The following MAP3K21 variants were observed in gnomAD, a reference collection of about 807,000 sequenced individuals.
The protein encoded by MAP3K21 is mitogen-activated protein kinase kinase kinase 21.
A neutral mutation model predicts 86.1 loss-of-function variants in MAP3K21; 63 were observed. The observed-to-expected ratio is 0.73, with a 90% CI of 0.60 to 0.90. The LOEUF (loss-of-function observed/expected upper bound fraction) is 0.90, where lower values mean the gene tolerates loss of function less well. Among genes scored for constraint, MAP3K21 ranks in the 40% least tolerant of loss-of-function variants. The probability of loss-of-function intolerance (pLI) is 0.00; values close to 1 mark genes in which losing one functional copy is unlikely to be tolerated. For synonymous variants in MAP3K21, 558 were observed against 564.8 expected (o/e 0.99, Z 0.17); for missense variants, 1,220 against 1,367.7 (o/e 0.89, Z 1.70).
rs1294270 is a variant in MAP3K21, at chr1:233,339,398, T to C, written c.806-7044T>C. Among the ~76,000 whole-genome samples the C allele has an allele frequency of 2.2e-3, 227 of 102,644 alleles. 7 individuals carry two copies. The highest frequency in any genetic ancestry group is 4.1e-3 in the African/African-American group (115 of 28,014). 67.3% of individuals were successfully genotyped at this position (102,644 alleles called of 152,430 possible). A position where few individuals can be genotyped will look rare whatever the true frequency, so the allele number is the denominator to read the frequency against. On this transcript the variant is annotated intron_variant, in intron 1 of 9. Transcript: ENST00000366624. ...TCCTTCTTCTCCTTCTTCTCCTCCT[T>C]CTCCTCCTCCTCCTCCTCCTTCTCC...
chr1:233,328,079 C>CG lies in MAP3K21; in HGVS notation c.56dup (p.Ala20SerfsTer29). 2 of 1,355,108 alleles carry CG rather than the reference C, an allele frequency of 1.5e-6. No individual in the cohort carries two copies. The highest frequency in any genetic ancestry group is 9.4e-7 in the Non-Finnish European group (1 of 1,061,110). The allele number at this position is 1,355,108 out of a possible 1,614,324, so 83.9% of individuals were successfully genotyped here. ...CGACCGACACCCCGGTGTCCTCGGC[C>CG]GGGGGAGCCCCCGGCGGCTCAGCGT... is the stretch of plus-strand genomic sequence containing the variant. On this transcript the variant is annotated frameshift_variant, in exon 1 of 10. Transcript: ENST00000366624. LOFTEE classifies it high-confidence loss of function. The surrounding 1 kb of genome is among the most constrained non-coding windows in gnomAD (Gnocchi z 8.7).
rs1409771368 is a variant in MAP3K21, at chr1:233,327,991, C to T, written c.-38C>T. 1.3e-5 allele frequency: 16 copies of T among 1,247,064 alleles called. No homozygotes were observed. Among genetic ancestry groups the T allele is most frequent in the Non-Finnish European group, 1.6e-5 (16 of 997,302 alleles). The allele number at this position is 1,247,064 out of a possible 1,614,324, so 77.2% of individuals were successfully genotyped here. Reference sequence around the variant, plus strand: ...CCCGCGGCCGCCCGGGAGGCTGAGCCCAGCTTCCCGCTCCGCCTTCCCCGC... The same window carrying T: ...CCCGCGGCCGCCCGGGAGGCTGAGCTCAGCTTCCCGCTCCGCCTTCCCCGC... On this transcript the variant is annotated 5_prime_UTR_variant, in exon 1 of 10. Transcript: ENST00000366624.
In MAP3K21 at chr1:233,327,927, T is replaced by C. The variant is rs1221472888; in HGVS notation, c.-102T>C. 1.3e-5 allele frequency: 12 copies of C among 958,982 alleles called. No individual in the cohort carries two copies. Among genetic ancestry groups the C allele is most frequent in the Non-Finnish European group, 1.6e-5 (12 of 744,102 alleles). 59.4% of individuals were successfully genotyped at this position (958,982 alleles called of 1,614,324 possible). A position where few individuals can be genotyped will look rare whatever the true frequency, so the allele number is the denominator to read the frequency against. Reference sequence around the variant, plus strand: ...GATCGCGATTCCTACCCCCTCGCCTTCCCCCGGCGCCGACGGCCACACCGC... The same window carrying C: ...GATCGCGATTCCTACCCCCTCGCCTCCCCCCGGCGCCGACGGCCACACCGC... On this transcript the variant is annotated 5_prime_UTR_variant, in exon 1 of 10. Coordinates refer to ENST00000366624, the MANE Select transcript of MAP3K21 (RefSeq NM_032435.3).
intron 8 of MAP3K21, among the ~76,000 whole-genome samples, chr1:233,378,173 T>A (rs1470925633): frequency 1.3e-5 from 2 of 152,136 alleles, no homozygotes; most frequent in African/African-American, 4.8e-5. Flanking sequence ...TTGGAAAAAA[T>A]TAGAGATGTT....
At chr1:233,342,123 A>T (rs1239608952) in intron 1 of MAP3K21, among the ~76,000 whole-genome samples, 3 of 152,220 alleles carry the variant, frequency 2.0e-5, no homozygotes, top group Admixed American at 2.0e-4. Context: ...TTCATAGGGA[A>T]TAAGGACTGA....
intron 2 of MAP3K21, among the ~76,000 whole-genome samples, chr1:233,353,496 G>A (rs534778899): frequency 1.3e-5 from 2 of 152,306 alleles, no homozygotes; most frequent in Admixed American, 6.5e-5. Flanking sequence ...TACTCCTAAA[G>A]TGTGACCTGG....
intron 5 of MAP3K21, among the ~76,000 whole-genome samples, chr1:233,367,213 A>G (rs1055431510): frequency 1.3e-5 from 2 of 152,246 alleles, no homozygotes; most frequent in East Asian, 1.9e-4. Flanking sequence ...CATCTACCTC[A>G]CAGGTATGCG....
chr1:233,328,667 C>A lies in MAP3K21; in HGVS notation c.639C>A (p.Ala213=), dbSNP rs1368293807. ...GCGGAGCGCTCAACCGAGCGCTGGC[C>A]GCTGCCAACGCCGCCCCGGACCCGC... The part of the protein sequence containing the change: ...ARGGALNRAL[A]AANAAPDPRA... Residue 213 remains alanine (A), a synonymous_variant, in exon 1 of 10, where the codon GCC becomes GCA. Transcript: ENST00000366624. This position sits in a 1 kb window ranked among gnomAD's most constrained non-coding sequence, Gnocchi z 8.7. The A allele has an allele frequency of 3.8e-6, 5 of 1,330,650 alleles. No homozygotes were observed. The highest frequency in any genetic ancestry group is 4.8e-6 in the Non-Finnish European group (5 of 1,043,300). The allele number at this position is 1,330,650 out of a possible 1,614,324, so 82.4% of individuals were successfully genotyped here.
intron 4 of MAP3K21, among the ~76,000 whole-genome samples, chr1:233,357,954 G>A (rs3737841): frequency 0.25 from 37,485 of 151,994 alleles, 5,840 homozygotes; most frequent in East Asian, 0.41. Flanking sequence ...GACTGAATGG[G>A]AAGTCTTTAT....
intron 5 of MAP3K21, 150 bp downstream of exon 5, chr1:233,362,443 T>C (rs891298356): frequency 1.2e-6 from 1 of 839,314 alleles, no homozygotes; most frequent in Non-Finnish European, 1.8e-6. Context: ...CTTAGATTCA[T>C]GGTTCTAATG....
chr1:233,379,703 G>C lies in MAP3K21; in HGVS notation c.2697G>C (p.Pro899=). 1 of 1,608,616 alleles carries C rather than the reference G, an allele frequency of 6.2e-7. No homozygotes were observed. Among genetic ancestry groups the C allele is most frequent in the Non-Finnish European group, 8.5e-7 (1 of 1,178,016 alleles). The change falls in exon 9 of 10, where the codon CCG becomes CCC. Residue 899 remains proline (P), a synonymous_variant. Coordinates refer to ENST00000366624, the MANE Select transcript of MAP3K21 (RefSeq NM_032435.3). Reference sequence around the variant, plus strand: ...GACGGACCATGTCTGATGGAAATCCGACCCCAAGTAGGTTGCATTAATTAG... The same window carrying C: ...GACGGACCATGTCTGATGGAAATCCCACCCCAAGTAGGTTGCATTAATTAG... The part of the protein sequence containing the change: ...HHRRTMSDGN[P]TPTGATIISA...
chr1:233,358,002 C>T (rs905053502), intron 4 of MAP3K21, among the ~76,000 whole-genome samples: 1 of 151,788 alleles, frequency 6.6e-6, no homozygotes, highest in Non-Finnish European at 1.5e-5. Context: ...CCTCACCCCC[C>T]ACCAGGAACT....
At chr1:233,330,982 A>G (rs1662800539) in intron 1 of MAP3K21, among the ~76,000 whole-genome samples, 2 of 152,286 alleles carry the variant, frequency 1.3e-5, no homozygotes, top group South Asian at 4.1e-4. Context: ...TAAAATATAA[A>G]TGTTTAAAGA....
At position 233,328,656 on chromosome 1, in the gene MAP3K21, C is replaced by A; in HGVS notation, c.628C>A (p.Arg210=). ...GTTCGCCCGCGGCGGAGCGCTCAAC[C>A]GAGCGCTGGCCGCTGCCAACGCCGC... ...LEFARGGALN[R]ALAAANAAPD... is the part of the protein sequence containing the mutation. Residue 210 remains arginine, a synonymous_variant, in exon 1 of 10, where the codon CGA becomes AGA. Transcript: ENST00000366624. The surrounding 1 kb of genome is among the most constrained non-coding windows in gnomAD (Gnocchi z 8.7). The A allele has an allele frequency of 4.4e-6, 6 of 1,365,526 alleles. No individual in the cohort carries two copies. The highest frequency in any genetic ancestry group is 5.7e-6 in the Non-Finnish European group (6 of 1,060,678). 84.6% of individuals were successfully genotyped at this position (1,365,526 alleles called of 1,614,324 possible).
chr1:233,376,532 A>G lies in MAP3K21; in HGVS notation c.1924+5A>G. 6.2e-7 allele frequency: 1 copy of G among 1,603,172 alleles called. No homozygotes were observed. Among genetic ancestry groups the G allele is most frequent in the South Asian group, 1.1e-5 (1 of 90,356 alleles). On this transcript the variant is annotated splice_donor_5th_base_variant and intron_variant, in intron 8 of 9. Coordinates refer to ENST00000366624, the MANE Select transcript of MAP3K21 (RefSeq NM_032435.3). Reference sequence around the variant, plus strand: ...CATTGTTTGTGGACCAGCCAGGTAAATGTGTTTCAGGAGGTAGGATTTGCT... The same window carrying G: ...CATTGTTTGTGGACCAGCCAGGTAAGTGTGTTTCAGGAGGTAGGATTTGCT...
At chr1:233,344,151 C>T (rs1663088933) in intron 1 of MAP3K21, among the ~76,000 whole-genome samples, 1 of 152,206 alleles carries the variant, frequency 6.6e-6, no homozygotes, top group South Asian at 2.1e-4. Flanking sequence ...AATGGCCATA[C>T]TGCCCAAGGT....
intron 5 of MAP3K21, 69 bp downstream of exon 5, chr1:233,362,362 A>C: frequency 6.5e-7 from 1 of 1,544,068 alleles, no homozygotes; most frequent in Non-Finnish European, 8.8e-7. Context: ...TTCTTTGTTC[A>C]TCAGAACCAG....
At chr1:233,352,045 T>A (rs1663261098) in intron 2 of MAP3K21, among the ~76,000 whole-genome samples, 1 of 152,118 alleles carries the variant, frequency 6.6e-6, no homozygotes. Context: ...CCTGCCACTA[T>A]GGCCAGCTAA....
At chr1:233,340,784 T>C (rs917202103) in intron 1 of MAP3K21, among the ~76,000 whole-genome samples, 2 of 152,230 alleles carry the variant, frequency 1.3e-5, no homozygotes, top group African/African-American at 4.8e-5. Flanking sequence ...GTTAATATAT[T>C]CTTTCACATT....
Sources: allele counts gnomAD v4.1 joint callset (sites outside exome capture counted in the v4.1 genomes callset), GRCh38; gene constraint gnomAD v4.1.1; non-coding constraint Gnocchi (gnomAD v3.1); transcripts MANE v1.5; gene names NCBI Gene and HGNC (gene_info 2026-07-23, HGNC 2026-07-21).